HPD: variants seen among roughly 807,000 people sequenced by gnomAD.
HPD encodes 4-hydroxyphenylpyruvate dioxygenase, also known as 4-hydroxyphenylpyruvic acid oxidase.
Under a neutral mutation model 56.9 loss-of-function variants are expected in HPD, and 35 were observed. That is an observed-to-expected ratio of 0.62 (90% confidence interval 0.47 to 0.82). HPD has a LOEUF of 0.82. Ranked by LOEUF, HPD falls within the 40% of genes least tolerant of loss-of-function variation. The pLI, the probability that HPD is intolerant of heterozygous loss-of-function variation, is 0.00. For synonymous variants in HPD, 186 were observed against 200.2 expected (o/e 0.93, Z 0.60); for missense variants, 442 against 506.8 (o/e 0.87, Z 1.23).
chr12:121,872,076 CAA>C, the HPD span, among the ~76,000 whole-genome samples: 165 of 137,794 alleles, frequency 1.2e-3, no homozygotes, highest in African/African-American at 3.6e-3. Flanking sequence ...ACTAAAAATA[CAA>C]AAAAAAAAAA....
upstream of HPD, among the ~76,000 whole-genome samples, chr12:121,859,629 G>A (rs1263614802): frequency 6.6e-6 from 1 of 152,230 alleles, no homozygotes; most frequent in Non-Finnish European, 1.5e-5. Context: ...ACTGAGGCCT[G>A]GAGAGGTGAA....
chr12:121,860,910 A>G (rs535472780), upstream of HPD, among the ~76,000 whole-genome samples: 1 of 151,962 alleles, frequency 6.6e-6, no homozygotes, highest in South Asian at 2.1e-4. Flanking sequence ...TGTATCAAAA[A>G]TAGATAAGGC....
chr12:121,888,457 G>A, the HPD span, among the ~76,000 whole-genome samples: 1 of 152,228 alleles, frequency 6.6e-6, no homozygotes, highest in Non-Finnish European at 1.5e-5. Context: ...CCAGGGCTGT[G>A]TGGATGTGAA....
intron 9 of HPD, 26 bp downstream of exon 9, chr12:121,848,973 G>T (rs776050205): frequency 1.6e-5 from 25 of 1,577,190 alleles, no homozygotes; most frequent in Non-Finnish European, 2.2e-5. Context: ...TCATCTTCAC[G>T]CAGAGGGAGA....
At chr12:121,867,955 C>A (rs1205414829), upstream of HPD, among the ~76,000 whole-genome samples, 2 of 152,166 alleles carry the variant, frequency 1.3e-5, no homozygotes, top group Non-Finnish European at 2.9e-5. Context: ...TAGGTGTGAG[C>A]CACAGTGCCC....
At chr12:121,867,626 G>A (rs1014095415), upstream of HPD, among the ~76,000 whole-genome samples, 9 of 151,910 alleles carry the variant, frequency 5.9e-5, no homozygotes, top group East Asian at 5.9e-4. Flanking sequence ...TGATTCTCCT[G>A]CCTCAGCTTC....
rs1348016456 is a variant in HPD, at chr12:121,839,707, C to T, written c.*21G>A. On this transcript the variant is annotated 3_prime_UTR_variant, in exon 14 of 14. Coordinates refer to ENST00000289004, the MANE Select transcript of HPD (RefSeq NM_002150.3). ...AGGGGGCGTGGCTGTGTGGCTGTGGCCTCCGTGGGGTGGGCGGGGCTTACA... is the reference window on the plus strand; with the variant it reads ...AGGGGGCGTGGCTGTGTGGCTGTGGTCTCCGTGGGGTGGGCGGGGCTTACA... 6.5e-6 allele frequency: 10 copies of T among 1,546,682 alleles called. No individual in the cohort carries two copies. The highest frequency in any genetic ancestry group is 2.2e-5 in the East Asian group (1 of 44,564).
intron 12 of HPD, among the ~76,000 whole-genome samples, chr12:121,842,949 T>C (rs1332985324): frequency 1.3e-5 from 2 of 151,826 alleles, no homozygotes; most frequent in African/African-American, 2.4e-5. Context: ...GGTTTCACCA[T>C]GTTGGTCAGG....
chr12:121,846,551 G>A (rs187536239), intron 11 of HPD, among the ~76,000 whole-genome samples: 2 of 152,252 alleles, frequency 1.3e-5, no homozygotes, highest in East Asian at 3.9e-4. Context: ...GGCAACTAAA[G>A]TCCAGAGACA....
intron 11 of HPD, among the ~76,000 whole-genome samples, chr12:121,846,656 C>T (rs949404039): frequency 1.3e-5 from 2 of 152,188 alleles, no homozygotes; most frequent in African/African-American, 4.8e-5. Flanking sequence ...ACCTCCAAAG[C>T]CCAGGGGTTC....
the HPD span, among the ~76,000 whole-genome samples, chr12:121,875,314 T>A: frequency 6.6e-6 from 1 of 152,222 alleles, no homozygotes; most frequent in Admixed American, 6.5e-5. Flanking sequence ...CACCCCTGCC[T>A]AGGCAATCAA....
At chr12:121,849,826 C>T in intron 7 of HPD, 36 bp from the exon 8 acceptor site, 1 of 1,394,148 alleles carries the variant, frequency 7.2e-7, no homozygotes, top group Non-Finnish European at 1.0e-6. Flanking sequence ...GGCCCCTGGG[C>T]ACCCATCCCC....
chr12:121,857,417 A>C lies in HPD; in HGVS notation c.109T>G (p.Cys37Gly), dbSNP rs1246785384. ...GNAKQATSFY[C>G]SKMGFEPLAY... is the part of the protein sequence containing the mutation. The stretch of plus-strand genomic sequence containing the variant: ...AGAGGTTCAAAGCCCATCTTGCTGC[A>C]GTAGAATGACGTGGCCTGAATCACA... The change falls in exon 4 of 14, where the codon TGC (cysteine) becomes GGC (glycine). Residue 37 changes from cysteine to glycine, a missense_variant. Coordinates refer to ENST00000289004, the MANE Select transcript of HPD (RefSeq NM_002150.3). 3 of 1,612,866 alleles carry C rather than the reference A, an allele frequency of 1.9e-6. No individual in the cohort carries two copies. Among genetic ancestry groups the C allele is most frequent in the East Asian group, 4.5e-5 (2 of 44,876 alleles).
chr12:121,850,062 GCACCTA>G (rs1877714803), intron 7 of HPD: 1 of 439,448 alleles, frequency 2.3e-6, no homozygotes, highest in Non-Finnish European at 4.3e-6. Flanking sequence ...ACTCAATGAA[GCACCTA>G]CTTCATTTAT....
At chr12:121,860,648 C>G (rs909290186), upstream of HPD, among the ~76,000 whole-genome samples, 1 of 152,166 alleles carries the variant, frequency 6.6e-6, no homozygotes, top group Non-Finnish European at 1.5e-5. Context: ...TCTTCATGCC[C>G]GACCATGCAG....
rs149281612 is a variant in HPD at position 121,843,766 on chromosome 12, G to A, written c.898C>T (p.Arg300Trp). 34 of 1,613,890 alleles carry A rather than the reference G, an allele frequency of 2.1e-5. No homozygotes were observed. The highest frequency in any genetic ancestry group is 2.7e-5 in the African/African-American group (2 of 74,866). Residue 300 changes from arginine (R) to tryptophan (W), a missense_variant, in exon 12 of 14, where the codon CGG (arginine) becomes TGG (tryptophan). Physicochemically the swap from Arg to Trp is moderately radical, Grantham distance 101. Coordinates refer to ENST00000289004, the MANE Select transcript of HPD (RefSeq NM_002150.3). The part of the protein sequence containing the change: ...SVPSTYYKQL[R>W]EKLKTAKIKV... ...ATCTTGGCCGTCTTCAGCTTCTCCCGCAGTTGTTTGTAGTACGTGGAGGGA... is the reference window on the plus strand; with the variant it reads ...ATCTTGGCCGTCTTCAGCTTCTCCCACAGTTGTTTGTAGTACGTGGAGGGA...
At chr12:121,861,449 G>A (rs1878170943), upstream of HPD, among the ~76,000 whole-genome samples, 1 of 152,052 alleles carries the variant, frequency 6.6e-6, no homozygotes, top group Non-Finnish European at 1.5e-5. Context: ...AGGTTGCAAT[G>A]CGAGATTGTG....
At chr12:121,877,109 A>G in the HPD span, among the ~76,000 whole-genome samples, 4 of 151,782 alleles carry the variant, frequency 2.6e-5, no homozygotes, top group Non-Finnish European at 4.4e-5. Context: ...AAAAAAAAAA[A>G]AAAGAACTGT....
chr12:121,857,293 A>G (rs775161502), intron 4 of HPD, 35 bp downstream of exon 4: 1 of 1,354,364 alleles, frequency 7.4e-7, no homozygotes, highest in Non-Finnish European at 1.1e-6. Flanking sequence ...TTGGCCAGGC[A>G]GGGGTTGGGG....
Sources: gnomAD v4.1 joint callset for allele counts (sites outside exome capture counted in the v4.1 genomes callset) on GRCh38, gnomAD v4.1.1 for gene constraint, MANE v1.5 for transcripts, NCBI Gene and HGNC (gene_info 2026-07-23, HGNC 2026-07-21) for gene names.